Variants in SLC17A2 observed in about 807,000 individuals in gnomAD.
SLC17A2 encodes the protein sodium-dependent phosphate transport protein 3.
A neutral mutation model predicts 52.1 loss-of-function variants in SLC17A2; 38 were observed. The observed-to-expected ratio is 0.73, with a 90% confidence interval of 0.56 to 0.96. SLC17A2 has a LOEUF of 0.96. SLC17A2 is among the 40% of genes least tolerant of loss of function. The pLI, the probability that SLC17A2 is intolerant of heterozygous loss-of-function variation, is 0.00. For synonymous variants in SLC17A2, 226 were observed against 211.9 expected, an observed-to-expected ratio of 1.07 and a Z score of -0.58; for missense variants, 508 against 583.9, an observed-to-expected ratio of 0.87 and a Z score of 1.34.
At position 25,916,678 on chromosome 6, in the gene SLC17A2, A is replaced by C; in HGVS notation, c.930+7T>G. 1 of 1,607,852 alleles carries C rather than the reference A, an allele frequency of 6.2e-7. No individual in the cohort carries two copies. The highest frequency in any genetic ancestry group is 8.5e-7 in the Non-Finnish European group (1 of 1,174,278). ...CATTTTCGTAGAAGTATAGGAAGTA[A>C]ACTCACATCTCTGATGTTAACATGG... On this transcript the variant is annotated splice_region_variant and intron_variant, in intron 8 of 11. Coordinates refer to ENST00000377850, the MANE Select transcript of SLC17A2 (RefSeq NM_001286123.3).
intron 1 of SLC17A2, 49 bp from the exon 2 acceptor site, chr6:25,925,928 T>A: frequency 2.1e-6 from 2 of 967,818 alleles, no homozygotes; most frequent in Non-Finnish European, 3.4e-6. Flanking sequence ...AATTTCCCCT[T>A]GTTAATGTTG....
Position 25,915,784 on chromosome 6 carries a change from T to C in SLC17A2, c.1015A>G (p.Arg339Gly). Residue 339 changes from arginine (R) to glycine (G), a missense_variant, in exon 9 of 12, where the codon AGG becomes GGG. Coordinates refer to ENST00000377850, the MANE Select transcript of SLC17A2 (RefSeq NM_001286123.3). ...GGQLADFLLSRNLLRLITVRK... is the reference protein window; with the variant it reads ...GGQLADFLLSGNLLRLITVRK... ...ACAGTGATCAATCTGAGAAGATTCC[T>C]GGACAAAAGGAAATCTGCCAGCTGA... 1 of 1,614,166 alleles carries C rather than the reference T, an allele frequency of 6.2e-7. No homozygotes were observed. The highest frequency in any genetic ancestry group is 8.5e-7 in the Non-Finnish European group (1 of 1,180,008).
At chr6:25,915,702 G>A (rs376166508) in intron 9 of SLC17A2, 34 bp downstream of exon 9, 6 of 1,613,246 alleles carry the variant, frequency 3.7e-6, no homozygotes, top group Non-Finnish European at 5.1e-6. Flanking sequence ...GCAGAAAAGG[G>A]ATTGGTTAAA....
At chr6:25,921,736 G>A (rs1337489507) in intron 3 of SLC17A2, among the ~76,000 whole-genome samples, 2 of 152,082 alleles carry the variant, frequency 1.3e-5, no homozygotes, top group African/African-American at 4.8e-5. Flanking sequence ...AGTAAAAGTT[G>A]AGTAACATCT....
chr6:25,922,007 C>A (rs1766579116), intron 3 of SLC17A2, among the ~76,000 whole-genome samples: 1 of 148,332 alleles, frequency 6.7e-6, no homozygotes, highest in South Asian at 2.2e-4. Context: ...TGAATATTTA[C>A]CTAAAAATAA....
At chr6:25,921,735 T>C (rs1766569363) in intron 3 of SLC17A2, among the ~76,000 whole-genome samples, 1 of 152,176 alleles carries the variant, frequency 6.6e-6, no homozygotes, top group African/African-American at 2.4e-5. Context: ...TAGTAAAAGT[T>C]GAGTAACATC....
At chr6:25,919,638 T>C (rs2575172) in intron 5 of SLC17A2, among the ~76,000 whole-genome samples, 7,481 of 133,844 alleles carry the variant, frequency 0.056, 618 homozygotes, top group African/African-American at 0.19. Context: ...AGGCGGAGCT[T>C]GCAGTGAGCC....
chr6:25,918,491 G>C lies in SLC17A2; in HGVS notation c.645C>G (p.Ile215Met). 1 of 1,609,528 alleles carries C rather than the reference G, an allele frequency of 6.2e-7. No individual in the cohort carries two copies. The highest frequency in any genetic ancestry group is 8.5e-7 in the Non-Finnish European group (1 of 1,175,910). ...ATTTAAGAGAAAGTGACTCACCAAA[G>C]ATGTAGAAGATAAAAGGCCAGCTCA... ...QALSWPFIFY[I>M]FGSTGCVCCL... is the part of the protein sequence containing the mutation. Residue 215 changes from isoleucine to methionine, a missense_variant, in exon 6 of 12, where the codon ATC (isoleucine) becomes ATG (methionine). Ile to Met is a conservative substitution (Grantham distance 10). Coordinates refer to ENST00000377850, the MANE Select transcript of SLC17A2 (RefSeq NM_001286123.3).
At chr6:25,929,692 C>G (rs1766884680) in intron 1 of SLC17A2, among the ~76,000 whole-genome samples, 1 of 152,148 alleles carries the variant, frequency 6.6e-6, no homozygotes, top group Non-Finnish European at 1.5e-5. Context: ...TCCCTGGGTG[C>G]CTTTTCTTAG....
chr6:25,919,866 A>G (rs891903813), intron 5 of SLC17A2, among the ~76,000 whole-genome samples: 1 of 152,078 alleles, frequency 6.6e-6, no homozygotes, highest in East Asian at 1.9e-4. Context: ...CTATGTGGAG[A>G]GCAGCCAATG....
At chr6:25,920,612 C>A (rs954040098) in intron 5 of SLC17A2, among the ~76,000 whole-genome samples, 1 of 152,208 alleles carries the variant, frequency 6.6e-6, no homozygotes, top group African/African-American at 2.4e-5. Flanking sequence ...AGCCTGATTT[C>A]TCTCCTTACC....
chr6:25,918,321 C>A (rs538895150), intron 6 of SLC17A2, among the ~76,000 whole-genome samples, 166 bp downstream of exon 6: 1 of 152,140 alleles, frequency 6.6e-6, no homozygotes, highest in African/African-American at 2.4e-5. Flanking sequence ...AGGTGTTAAT[C>A]AGGTTGTGTG....
intron 6 of SLC17A2, 84 bp from the exon 7 acceptor site, chr6:25,917,171 C>T (rs1766358215): frequency 1.2e-6 from 1 of 857,292 alleles, no homozygotes; most frequent in African/African-American, 1.6e-5. Flanking sequence ...ATGCCTCTCC[C>T]TTCTACACAC....
At chr6:25,920,158 T>C (rs199746) in intron 5 of SLC17A2, among the ~76,000 whole-genome samples, 7,805 of 152,182 alleles carry the variant, frequency 0.051, 641 homozygotes, top group African/African-American at 0.17. Flanking sequence ...ACAACTATGA[T>C]GGAAGGAAGC....
At position 25,913,400 on chromosome 6, in the gene SLC17A2, T is replaced by A. The variant is rs150509035; in HGVS notation, c.1354A>T (p.Met452Leu). 15 of 1,613,960 alleles carry A rather than the reference T, an allele frequency of 9.3e-6. No individual in the cohort carries two copies. The highest frequency in any genetic ancestry group is 2.7e-5 in the African/African-American group (2 of 74,906). The part of the protein sequence containing the change: ...NVFFLSAAVN[M>L]FGLVFYLTFG... ...GTGAGGTAAAAGACCAGGCCAAACATGTTGACTGCAGCAGACAGGAAAAAG... is the reference window on the plus strand; with the variant it reads ...GTGAGGTAAAAGACCAGGCCAAACAAGTTGACTGCAGCAGACAGGAAAAAG... The change falls in exon 12 of 12, where the codon ATG becomes TTG. Residue 452 changes from methionine (M) to leucine (L), a missense_variant. Physicochemically the swap from Met to Leu is conservative, Grantham distance 15. Transcript: ENST00000377850.
At chr6:25,926,960 G>A (rs1766788084) in intron 1 of SLC17A2, among the ~76,000 whole-genome samples, 2 of 152,192 alleles carry the variant, frequency 1.3e-5, no homozygotes, top group African/African-American at 2.4e-5. Context: ...CTGCTACTAA[G>A]GAGGCTGAGG....
intron 11 of SLC17A2, among the ~76,000 whole-genome samples, chr6:25,913,794 T>TGTC (rs1766195140): frequency 6.7e-6 from 1 of 150,270 alleles, no homozygotes; most frequent in Non-Finnish European, 1.5e-5. Context: ...TTGTTGTTGT[T>TGTC]GCTGTTTGTT....
intron 1 of SLC17A2, among the ~76,000 whole-genome samples, chr6:25,928,996 C>T (rs1370764458): frequency 2.6e-5 from 4 of 152,138 alleles, no homozygotes; most frequent in East Asian, 1.9e-4. Flanking sequence ...TTATGGTATA[C>T]GCATAAGCAA....
chr6:25,915,165 A>G (rs79611353), intron 10 of SLC17A2, among the ~76,000 whole-genome samples: 3 of 129,578 alleles, frequency 2.3e-5, no homozygotes, highest in Non-Finnish European at 3.3e-5. Flanking sequence ...ATATATATAT[A>G]TATATATATA....
Sources: allele counts gnomAD v4.1 joint callset (sites outside exome capture counted in the v4.1 genomes callset), GRCh38; gene constraint gnomAD v4.1.1; transcripts MANE v1.5; gene names NCBI Gene and HGNC (gene_info 2026-07-23, HGNC 2026-07-21).